Variants in LIN28B observed in about 807,000 individuals in gnomAD.
LIN28B encodes the protein protein lin-28 homolog B.
A neutral mutation model predicts 21.9 loss-of-function variants in LIN28B; 5 were observed. The observed-to-expected ratio is 0.23, with a 90% CI of 0.12 to 0.48. The LOEUF is 0.48. Among genes scored for constraint, LIN28B ranks in the 20% least tolerant of loss-of-function variants. The pLI, the probability that LIN28B is intolerant of heterozygous loss-of-function variation, is 0.98. For missense variants in LIN28B, 245 were observed against 310.5 expected (o/e 0.79, Z 1.58); for synonymous variants, 109 against 111.3 (o/e 0.98, Z 0.13).
chr6:105,014,895 A>T (rs1770997839), intron 2 of LIN28B, among the ~76,000 whole-genome samples: 1 of 149,100 alleles, frequency 6.7e-6, no homozygotes, highest in South Asian at 2.1e-4. Flanking sequence ...ATTTCCCGTG[A>T]TTTTTTTTTT....
At chr6:105,028,978 A>G (rs1771360689) in intron 3 of LIN28B, among the ~76,000 whole-genome samples, 1 of 152,182 alleles carries the variant, frequency 6.6e-6, no homozygotes, top group South Asian at 2.1e-4. Context: ...GAAAGAAAAT[A>G]TTTCAAGAAA....
intron 1 of LIN28B, 81 bp downstream of exon 1, chr6:104,957,341 A>G: frequency 1.4e-6 from 1 of 703,714 alleles, no homozygotes; most frequent in Non-Finnish European, 2.1e-6. Context: ...CCCTTCTTAG[A>G]CCGTCCCCCC....
chr6:105,074,831 G>A (rs1279979412), intron 3 of LIN28B, among the ~76,000 whole-genome samples: 2 of 152,114 alleles, frequency 1.3e-5, no homozygotes, highest in Non-Finnish European at 2.9e-5. Flanking sequence ...CCAGCCTCCT[G>A]AGTAGCTGGA....
chr6:105,066,673 C>A (rs1434207879), intron 3 of LIN28B, among the ~76,000 whole-genome samples: 2 of 151,870 alleles, frequency 1.3e-5, no homozygotes, highest in African/African-American at 4.8e-5. Context: ...TGTTAAAATT[C>A]TTTTATATAT....
At chr6:104,987,275 A>G (rs1216118193) in intron 2 of LIN28B, among the ~76,000 whole-genome samples, 1 of 152,142 alleles carries the variant, frequency 6.6e-6, no homozygotes, top group Non-Finnish European at 1.5e-5. Flanking sequence ...TTTACTCTAC[A>G]TAAGAATAAT....
chr6:104,999,719 C>T (rs889102942), intron 2 of LIN28B, among the ~76,000 whole-genome samples: 6 of 151,958 alleles, frequency 3.9e-5, no homozygotes, highest in African/African-American at 1.2e-4. Context: ...TCGTTCTTGT[C>T]GCCCAGGCTG....
At chr6:105,052,503 C>T (rs1254109685) in intron 3 of LIN28B, among the ~76,000 whole-genome samples, 1 of 152,022 alleles carries the variant, frequency 6.6e-6, no homozygotes, top group Non-Finnish European at 1.5e-5. Flanking sequence ...TAATAATGAG[C>T]CCATTTCCAG....
At chr6:104,999,307 T>C (rs1434606950) in intron 2 of LIN28B, among the ~76,000 whole-genome samples, 1 of 152,054 alleles carries the variant, frequency 6.6e-6, no homozygotes, top group Non-Finnish European at 1.5e-5. Flanking sequence ...TTCCAACTGA[T>C]TTTGTGTTTT....
At chr6:105,002,166 ATTTTTTTT>A (rs751548299) in intron 2 of LIN28B, among the ~76,000 whole-genome samples, 2 of 95,994 alleles carry the variant, frequency 2.1e-5, no homozygotes. Flanking sequence ...ATTCTCTGGT[ATTTTTTTT>A]TTTTTTTTTT....
intron 3 of LIN28B, among the ~76,000 whole-genome samples, chr6:105,076,843 A>T (rs1236476488): frequency 3.3e-5 from 5 of 151,684 alleles, no homozygotes; most frequent in Non-Finnish European, 7.4e-5. Flanking sequence ...TGACCTCATA[A>T]TCCGCCTGTC....
chr6:104,942,066 G>A (rs150927278), intron 2 of LIN28B, among the ~76,000 whole-genome samples: 84 of 152,236 alleles, frequency 5.5e-4, no homozygotes, highest in African/African-American at 2.0e-3. Context: ...TCATCCGTAG[G>A]TTTTTAAGGT....
chr6:104,970,918 T>A lies in LIN28B; in HGVS notation c.198+12632T>A, dbSNP rs553948314. Among the ~76,000 whole-genome samples, 718 of 152,298 alleles carry A rather than the reference T, an allele frequency of 4.7e-3. 4 individuals are homozygous for A. Among genetic ancestry groups the A allele is most frequent in the African/African-American group, 0.016 (675 of 41,582 alleles). On this transcript the variant is annotated intron_variant, in intron 2 of 3. Coordinates refer to ENST00000345080, the MANE Select transcript of LIN28B (RefSeq NM_001004317.4). ...TCCTGTGATATTTATATACTTTTTT[T>A]AATAAAGTTAAATGAGGATAAGTGT...
chr6:104,962,740 T>C (rs1769772796), intron 2 of LIN28B, among the ~76,000 whole-genome samples: 1 of 152,172 alleles, frequency 6.6e-6, no homozygotes, highest in Non-Finnish European at 1.5e-5. Flanking sequence ...TCATTGCTAA[T>C]TAATTAACCA....
chr6:104,967,357 A>G (rs915231992), intron 2 of LIN28B, among the ~76,000 whole-genome samples: 3 of 151,692 alleles, frequency 2.0e-5, no homozygotes, highest in Non-Finnish European at 2.9e-5. Context: ...AGGGGGGTGG[A>G]TCACTTGAGG....
intron 2 of LIN28B, among the ~76,000 whole-genome samples, chr6:104,960,569 A>G (rs1283281074): frequency 6.6e-6 from 1 of 152,022 alleles, no homozygotes; most frequent in African/African-American, 2.4e-5. Context: ...AATATATGAC[A>G]TAGTTTTTTT....
chr6:104,991,205 C>A (rs1409882004), intron 2 of LIN28B, among the ~76,000 whole-genome samples: 1 of 150,828 alleles, frequency 6.6e-6, no homozygotes, highest in Non-Finnish European at 1.5e-5. Flanking sequence ...CACCTCCCTC[C>A]CAGACGGGGT....
intron 3 of LIN28B, among the ~76,000 whole-genome samples, chr6:105,063,564 A>G (rs1176354976): frequency 7.1e-6 from 1 of 139,968 alleles, no homozygotes; most frequent in African/African-American, 2.7e-5. Flanking sequence ...TGAACCTGGG[A>G]GGCTGAAGTT....
chr6:104,994,405 C>T (rs957249858), intron 2 of LIN28B, among the ~76,000 whole-genome samples: 3 of 152,180 alleles, frequency 2.0e-5, no homozygotes, highest in Non-Finnish European at 2.9e-5. Context: ...TTTAACTTAT[C>T]CATTCAATTT....
chr6:105,029,338 G>A (rs1043159508), intron 3 of LIN28B, among the ~76,000 whole-genome samples: 35 of 152,158 alleles, frequency 2.3e-4, no homozygotes, highest in Non-Finnish European at 1.5e-5. Context: ...AGAGGAGAAC[G>A]ATTACTGGAG....
Sources: gnomAD v4.1 joint callset for allele counts (sites outside exome capture counted in the v4.1 genomes callset) on GRCh38, gnomAD v4.1.1 for gene constraint, MANE v1.5 for transcripts, NCBI Gene and HGNC (gene_info 2026-07-23, HGNC 2026-07-21) for gene names.